FAT2: variants seen among roughly 807,000 people sequenced by gnomAD.
FAT2 encodes FAT atypical cadherin 2.
A neutral mutation model predicts 295.3 loss-of-function variants in FAT2; 150 were observed. The observed-to-expected ratio is 0.51, with a 90% confidence interval of 0.44 to 0.58. FAT2 has a LOEUF of 0.58. Among genes scored for constraint, FAT2 ranks in the 20% least tolerant of loss-of-function variants. The pLI, the probability that FAT2 is intolerant of heterozygous loss-of-function variation, is 0.00. For missense variants in FAT2, 4,868 were observed against 5,442.7 expected (o/e 0.89, Z 3.32); for synonymous variants, 2,026 against 2,150.3 (o/e 0.94, Z 1.60).
intron 1 of FAT2, among the ~76,000 whole-genome samples, chr5:151,574,435 G>T (rs1207455544): frequency 1.3e-5 from 2 of 152,172 alleles, no homozygotes; most frequent in Non-Finnish European, 2.9e-5. Context: ...CCTTAAAGAG[G>T]TGAGATAAAT....
At chr5:151,593,278 G>A (rs557441425), upstream of FAT2, among the ~76,000 whole-genome samples, 6 of 152,354 alleles carry the variant, frequency 3.9e-5, no homozygotes, top group Admixed American at 1.3e-4. Flanking sequence ...GATTAGTCAC[G>A]TGCAGAGTAG....
chr5:151,564,678 A>C (rs1758168596), intron 2 of FAT2, among the ~76,000 whole-genome samples: 1 of 152,316 alleles, frequency 6.6e-6, no homozygotes, highest in Non-Finnish European at 1.5e-5. Context: ...CTTGAAACTT[A>C]AAAAAAGGAA....
Position 151,550,716 on chromosome 5 carries a change from G to T in FAT2, c.4452C>A (p.Thr1484=), listed in dbSNP as rs1445083186. 1 of 1,614,060 alleles carries T rather than the reference G, an allele frequency of 6.2e-7. No homozygotes were observed. The highest frequency in any genetic ancestry group is 8.5e-7 in the Non-Finnish European group (1 of 1,180,056). Residue 1484 remains threonine (T), a synonymous_variant, in exon 8 of 24, where the codon ACC becomes ACA. Coordinates refer to ENST00000261800, the MANE Select transcript of FAT2 (RefSeq NM_001447.3). The part of the protein sequence containing the change: ...DQDKGKSLIY[T]IHGSQDPGSA... ...TTCCTGGGTCTTGGCTGCCATGTAT[G>T]GTATAGATGAGGCTTTTGCCCTTGT... is the stretch of plus-strand genomic sequence containing the variant.
At chr5:151,573,204 T>G (rs770265603) in intron 1 of FAT2, among the ~76,000 whole-genome samples, 11 of 152,220 alleles carry the variant, frequency 7.2e-5, no homozygotes, top group Admixed American at 2.0e-4. Flanking sequence ...TCTCTGATCC[T>G]TAGTTTCCCT....
In FAT2 at chr5:151,505,892, G is replaced by A. The variant is rs199880355; in HGVS notation, c.12723C>T (p.Pro4241=). ...CTTCCAGGTTCTGGTTGCTGTAACG[G>A]GGTGGGAGAGGTGCCCGCTTGTTTT... ...EMENKRAPLP[P]RYSNQNLEDL... is the part of the protein sequence containing the mutation. The change falls in exon 24 of 24, where the codon CCC becomes CCT. Residue 4241 remains proline (P), a synonymous_variant. Transcript: ENST00000261800. 8.1e-6 allele frequency: 13 copies of A among 1,598,394 alleles called. No individual in the cohort carries two copies. Among genetic ancestry groups the A allele is most frequent in the Non-Finnish European group, 1.1e-5 (13 of 1,174,040 alleles).
At position 151,534,597 on chromosome 5, in the gene FAT2, A is replaced by G. The variant is rs1236927038; in HGVS notation, c.9239T>C (p.Val3080Ala). The G allele has an allele frequency of 5.0e-6, 8 of 1,613,786 alleles. No individual in the cohort carries two copies. The Admixed American group carries it at 1.2e-4, about 24-fold the overall frequency. Residue 3080 changes from valine (V) to alanine (A), a missense_variant, in exon 13 of 24, where the codon GTG becomes GCG. Val to Ala is a moderately conservative substitution (Grantham distance 64). This residue lies in a region of FAT2 where 1,046 missense variants were observed against 1,210.1 expected (regional missense o/e 0.86). Transcript: ENST00000261800. Reference sequence around the variant, plus strand: ...CGTCGCCTTGGCAACAAGGTTGAACACATCCTTCCTTTCTCGGTCTAGGGC... The same window carrying G: ...CGTCGCCTTGGCAACAAGGTTGAACGCATCCTTCCTTTCTCGGTCTAGGGC... ...LTALDRERKD[V>A]FNLVAKATDG...
At chr5:151,581,233 T>C (rs1254660046) in intron 1 of FAT2, among the ~76,000 whole-genome samples, 3 of 152,130 alleles carry the variant, frequency 2.0e-5, no homozygotes, top group African/African-American at 7.2e-5. Context: ...CATCAGGGTA[T>C]TATGAGGATC....
At chr5:151,540,903 A>AG in intron 10 of FAT2, 140 bp from the exon 11 acceptor site, 2 of 671,998 alleles carry the variant, frequency 3.0e-6, no homozygotes, top group Admixed American at 3.2e-5. Flanking sequence ...GGAACCCACG[A>AG]TTCTACACTG....
At chr5:151,593,247 G>A (rs983314922), upstream of FAT2, among the ~76,000 whole-genome samples, 5 of 152,230 alleles carry the variant, frequency 3.3e-5, no homozygotes, top group African/African-American at 1.2e-4. Flanking sequence ...AAGGGTGGCG[G>A]GGCAGCCCCA....
chr5:151,540,642 A>G lies in FAT2; in HGVS notation c.8964T>C (p.Asp2988=). 2 of 1,614,140 alleles carry G rather than the reference A, an allele frequency of 1.2e-6. No homozygotes were observed. The highest frequency in any genetic ancestry group is 1.7e-6 in the Non-Finnish European group (2 of 1,180,022). The change falls in exon 11 of 24, where the codon GAT becomes GAC. Residue 2988 remains aspartate (D), a synonymous_variant. Coordinates refer to ENST00000261800, the MANE Select transcript of FAT2 (RefSeq NM_001447.3). ...CAGTGACCGAAGCCTGGAACTTGCC[A>G]TCAGATGCTGTGACTCTGAGCAAGT... ...AKYLLRVTAS[D]GKFQASVTVE...
chr5:151,519,367 C>T (rs1034801697), intron 19 of FAT2, among the ~76,000 whole-genome samples: 11 of 152,120 alleles, frequency 7.2e-5, no homozygotes, highest in Admixed American at 7.2e-4. Flanking sequence ...AAAATCCAAA[C>T]AAGTCCAAAA....
rs114474626 is a variant in FAT2 at position 151,565,791 on chromosome 5, C to G, written c.3141G>C (p.Ser1047=). 2.5e-6 allele frequency: 4 copies of G among 1,613,962 alleles called. No individual in the cohort carries two copies. The African/African-American group carries it at 5.3e-5, about 22-fold the overall frequency. Residue 1047 remains serine (S), a synonymous_variant, in exon 2 of 24, where the codon TCG becomes TCC. Transcript: ENST00000261800. ...CAGCCACTACAATCACCTGAGTTCC[C>G]GAGGGGCTGTTCTCCTGCACCTGGC... ...HQGQVQENSP[S]GTQVIVVAAQ... is the part of the protein sequence containing the mutation.
At chr5:151,524,079 T>G (rs1265809084) in intron 18 of FAT2, among the ~76,000 whole-genome samples, 3 of 152,162 alleles carry the variant, frequency 2.0e-5, no homozygotes, top group African/African-American at 7.2e-5. Context: ...CCAGCTTGGA[T>G]GACTTCTCAC....
chr5:151,537,906 C>G lies in FAT2; in HGVS notation c.9080G>C (p.Gly3027Ala). Residue 3027 changes from glycine (G) to alanine (A), a missense_variant, in exon 12 of 24, where the codon GGA (glycine) becomes GCA (alanine). Gly to Ala is a moderately conservative substitution (Grantham distance 60). Around this residue, in one of 5 missense-constraint regions of FAT2, gnomAD observed 1,046 missense variants for 1,210.1 expected, o/e 0.86. Transcript: ENST00000261800. ...TGKVHEDVFP[G>A]HFILKVSATD... ...GGCAGAAACCTTCAAAATGAAGTGT[C>G]CTGGAAATACATCTTCATGAACCTT... 1 of 1,614,048 alleles carries G rather than the reference C, an allele frequency of 6.2e-7. No homozygotes were observed.
rs1758534217 is a variant in FAT2, at chr5:151,571,709, A to T, written c.-20-2758T>A. 2.0e-5 allele frequency among the ~76,000 whole-genome samples: 3 copies of T among 152,342 alleles called. No homozygotes were observed. The South Asian group carries it at 6.2e-4, about 32-fold the overall frequency. ...TCCTGGCCCCAGGTTTAGATGAGTG[A>T]ACAAGCTTGCAGGGCGCAGAAGCAT... is the stretch of plus-strand genomic sequence containing the variant. On this transcript the variant is annotated intron_variant, in intron 1 of 23. Coordinates refer to ENST00000261800, the MANE Select transcript of FAT2 (RefSeq NM_001447.3).
chr5:151,568,101 G>A lies in FAT2; in HGVS notation c.831C>T (p.Val277=), dbSNP rs759968351. The A allele has an allele frequency of 5.0e-6, 8 of 1,614,104 alleles. No homozygotes were observed. Among genetic ancestry groups the A allele is most frequent in the East Asian group, 2.2e-5 (1 of 44,876 alleles). ...CTTCAGCTCCTGAGCTATTTGCATC[G>A]ACCAGTACAGTGGCATAGGTGGTAC... ...NDGTTYATVL[V]DANSSGAEVE... The change falls in exon 2 of 24, where the codon GTC becomes GTT. Residue 277 remains valine (V), a synonymous_variant. Transcript: ENST00000261800.
intron 16 of FAT2, among the ~76,000 whole-genome samples, chr5:151,527,618 G>C (rs895313348): frequency 6.6e-6 from 1 of 152,094 alleles, no homozygotes; most frequent in African/African-American, 2.4e-5. Context: ...TTTATGTGAG[G>C]ATAATGTCAG....
chr5:151,574,994 C>G (rs1426399302), intron 1 of FAT2, among the ~76,000 whole-genome samples: 1 of 152,180 alleles, frequency 6.6e-6, no homozygotes, highest in African/African-American at 2.4e-5. Context: ...GCAGGGAAAA[C>G]AGATAATTTG....
intron 23 of FAT2, among the ~76,000 whole-genome samples, chr5:151,506,762 G>C (rs978740797): frequency 5.3e-5 from 8 of 152,224 alleles, no homozygotes; most frequent in African/African-American, 1.9e-4. Flanking sequence ...GGTCAGCCAG[G>C]TCTGGCCCAA....
Sources: allele counts gnomAD v4.1 joint callset (sites outside exome capture counted in the v4.1 genomes callset), GRCh38; gene constraint gnomAD v4.1.1; regional missense constraint gnomAD v4.1.1; transcripts MANE v1.5; gene names NCBI Gene and HGNC (gene_info 2026-07-23, HGNC 2026-07-21).